The following LRBA variants were observed in gnomAD, a reference collection of about 807,000 sequenced individuals.
LRBA encodes lipopolysaccharide-responsive and beige-like anchor protein.
A neutral mutation model predicts 330.0 loss-of-function variants in LRBA; 176 were observed. That is an observed-to-expected ratio of 0.53 (90% confidence interval 0.47 to 0.60). The LOEUF (loss-of-function observed/expected upper bound fraction) is 0.60, where lower values mean the gene tolerates loss of function less well. Among genes scored for constraint, LRBA ranks in the 20% least tolerant of loss-of-function variants. The probability of loss-of-function intolerance (pLI) is 0.00; values close to 1 mark genes in which losing one functional copy is unlikely to be tolerated. For synonymous variants in LRBA, 1,230 were observed against 1,193.0 expected (o/e 1.03, Z -0.64); for missense variants, 3,259 against 3,444.8 (o/e 0.95, Z 1.35).
At chr4:150,829,431 T>C (rs1328155484) in intron 29 of LRBA, among the ~76,000 whole-genome samples, 3 of 152,132 alleles carry the variant, frequency 2.0e-5, no homozygotes, top group Non-Finnish European at 4.4e-5. Context: ...CTAGCAAAAA[T>C]AGTCTTATCA....
At chr4:150,590,944 G>A (rs931486789) in intron 38 of LRBA, 85 bp from the exon 39 acceptor site, 3 of 1,213,496 alleles carry the variant, frequency 2.5e-6, no homozygotes, top group African/African-American at 1.5e-5. Context: ...AAGGGTAGGT[G>A]GCCAAAGATG....
chr4:150,386,424 C>A (rs539414527), intron 47 of LRBA, among the ~76,000 whole-genome samples: 2 of 128,174 alleles, frequency 1.6e-5, no homozygotes, highest in Middle Eastern at 4.6e-3. Context: ...TCCCACCCCC[C>A]ACCCTCCAAG....
At chr4:150,385,528 G>GAAAAAT (rs1333556858) in intron 47 of LRBA, among the ~76,000 whole-genome samples, 2 of 151,892 alleles carry the variant, frequency 1.3e-5, no homozygotes, top group Non-Finnish European at 2.9e-5. Flanking sequence ...GAGAGTAAGA[G>GAAAAAT]AAAAATAAAA....
chr4:150,844,546 C>G (rs923062955), intron 27 of LRBA, 112 bp downstream of exon 27: 43 of 923,974 alleles, frequency 4.7e-5, no homozygotes, highest in South Asian at 2.6e-4. Context: ...CCTAAAGTAA[C>G]TATTTTAATC....
chr4:150,639,471 C>T (rs1279594862), intron 37 of LRBA, among the ~76,000 whole-genome samples: 1 of 147,870 alleles, frequency 6.8e-6, no homozygotes, highest in Non-Finnish European at 1.5e-5. Flanking sequence ...TTCTACCCCA[C>T]CCGTGGTACT....
chr4:150,520,624 T>C (rs1303748532), intron 40 of LRBA, among the ~76,000 whole-genome samples: 2 of 152,190 alleles, frequency 1.3e-5, no homozygotes, highest in African/African-American at 2.4e-5. Flanking sequence ...AATGAGATCA[T>C]ATTCTTTGCA....
rs1231262813 is a variant in LRBA, at chr4:150,265,522, C to A, written c.*200G>T. On this transcript the variant is annotated 3_prime_UTR_variant, in exon 57 of 57. Coordinates refer to ENST00000651943, the MANE Select transcript of LRBA (RefSeq NM_001364905.1). The stretch of plus-strand genomic sequence containing the variant: ...ATATAGATTTTTTAAAACTACAGAA[C>A]CCAGCAGCCAGTTTTCTGCTTTGCT... The A allele has an allele frequency of 4.0e-6, 2 of 495,396 alleles. No homozygotes were observed. Among genetic ancestry groups the A allele is most frequent in the African/African-American group, 3.9e-5 (2 of 51,628 alleles). The allele number at this position is 495,396 out of a possible 1,614,324, so 30.7% of individuals were successfully genotyped here. A position where few individuals can be genotyped will look rare whatever the true frequency, so the allele number is the denominator to read the frequency against.
chr4:150,774,597 T>A (rs985595614), intron 34 of LRBA, among the ~76,000 whole-genome samples: 4 of 152,256 alleles, frequency 2.6e-5, no homozygotes, highest in Non-Finnish European at 5.9e-5. Context: ...ACGGGAAGTA[T>A]AAGGATAATT....
intron 53 of LRBA, among the ~76,000 whole-genome samples, chr4:150,290,225 A>C (rs891330786): frequency 1.3e-5 from 2 of 152,182 alleles, no homozygotes; most frequent in African/African-American, 4.8e-5. Flanking sequence ...ATCAGCTCAA[A>C]CAAGATGATT....
chr4:150,708,908 C>T (rs1785909269), intron 36 of LRBA, among the ~76,000 whole-genome samples: 1 of 151,728 alleles, frequency 6.6e-6, no homozygotes, highest in Non-Finnish European at 1.5e-5. Context: ...GAATACAACC[C>T]TTTCAGTCAT....
chr4:150,777,203 C>G (rs1737501673), intron 34 of LRBA, among the ~76,000 whole-genome samples: 1 of 151,994 alleles, frequency 6.6e-6, no homozygotes, highest in Admixed American at 6.6e-5. Context: ...AAGCAATCCT[C>G]CTGCCTTGGC....
rs906541933 is a variant in LRBA, at chr4:150,831,905, C to G, written c.4641G>C (p.Lys1547Asn). ...TTTGGGGTTCCAAAATGTCTCTGTA[C>G]TTGGAGACCATAAGAACAGAGATAA... Reference protein sequence around the residue: ...VYFISVLMVSKYRDILEPQNE... With the variant: ...VYFISVLMVSNYRDILEPQNE... Residue 1547 changes from lysine to asparagine, a missense_variant, in exon 29 of 57, where the codon AAG becomes AAC. Lys to Asn is a moderately conservative substitution (Grantham distance 94). Coordinates refer to ENST00000651943, the MANE Select transcript of LRBA (RefSeq NM_001364905.1). The G allele has an allele frequency of 6.2e-7, 1 of 1,603,914 alleles. No individual in the cohort carries two copies. The highest frequency in any genetic ancestry group is 2.3e-5 in the East Asian group (1 of 44,388).
Position 150,867,823 on chromosome 4 carries a change from A to C in LRBA, c.2614T>G (p.Ser872Ala), listed in dbSNP as rs1172469693. ...TTCTTAGGATTAAAATAGCAGAGAG[A>C]AAGCATCCATTCTTGCCACACAGAG... is the stretch of plus-strand genomic sequence containing the variant. ...QCSVWQEWML[S>A]LCYFNPKNSD... Residue 872 changes from serine (S) to alanine (A), a missense_variant, in exon 22 of 57, where the codon TCT becomes GCT. Coordinates refer to ENST00000651943, the MANE Select transcript of LRBA (RefSeq NM_001364905.1). The C allele has an allele frequency of 3.1e-6, 5 of 1,613,692 alleles. No homozygotes were observed. The highest frequency in any genetic ancestry group is 4.2e-6 in the Non-Finnish European group (5 of 1,179,800).
intron 31 of LRBA, among the ~76,000 whole-genome samples, chr4:150,815,270 T>TA (rs1294397738): frequency 2.6e-5 from 4 of 151,524 alleles, no homozygotes; most frequent in East Asian, 1.9e-4. Flanking sequence ...TCTTTTTTTT[T>TA]AAAGGACTTT....
At chr4:150,965,960 T>G (rs775697023) in intron 2 of LRBA, among the ~76,000 whole-genome samples, 3 of 152,148 alleles carry the variant, frequency 2.0e-5, no homozygotes, top group Non-Finnish European at 4.4e-5. Context: ...AATACATTCC[T>G]ATTTTTGACC....
chr4:150,994,658 A>G (rs1231269413), intron 2 of LRBA, among the ~76,000 whole-genome samples: 1 of 152,212 alleles, frequency 6.6e-6, no homozygotes, highest in African/African-American at 2.4e-5. Flanking sequence ...TAGTGGGGAA[A>G]GGTTCTCTAA....
At chr4:150,742,148 TTA>T (rs1363929050) in intron 35 of LRBA, among the ~76,000 whole-genome samples, 1,631 of 60,876 alleles carry the variant, frequency 0.027, 17 homozygotes, top group African/African-American at 0.067. Context: ...ATTATTATTA[TTA>T]TTTTTTTTTT....
chr4:150,548,588 C>T (rs1388482477), intron 40 of LRBA, among the ~76,000 whole-genome samples: 1 of 151,936 alleles, frequency 6.6e-6, no homozygotes, highest in Non-Finnish European at 1.5e-5. Flanking sequence ...TATAAAAATA[C>T]ATCAATATTA....
At chr4:150,344,686 G>A (rs1354062057) in intron 48 of LRBA, among the ~76,000 whole-genome samples, 1 of 152,100 alleles carries the variant, frequency 6.6e-6, no homozygotes, top group Non-Finnish European at 1.5e-5. Context: ...CTCAGCTAGG[G>A]CTATATGTAT....
Sources: gnomAD v4.1 joint callset for allele counts (sites outside exome capture counted in the v4.1 genomes callset) on GRCh38, gnomAD v4.1.1 for gene constraint, MANE v1.5 for transcripts, NCBI Gene and HGNC (gene_info 2026-07-23, HGNC 2026-07-21) for gene names.